Variants in CACNA2D3 observed in about 807,000 individuals in gnomAD.
CACNA2D3 encodes voltage-dependent calcium channel subunit alpha-2/delta-3.
In CACNA2D3, 60 loss-of-function variants were observed where a neutral mutation model predicts 160.6. The ratio of observed to expected loss-of-function variants is 0.37; its 90% CI spans 0.30 to 0.46. CACNA2D3 has a LOEUF of 0.46. Ranked by LOEUF, CACNA2D3 falls within the 20% of genes least tolerant of loss-of-function variation. The pLI is 1.00. For missense variants in CACNA2D3, 1,205 were observed against 1,365.0 expected (o/e 0.88, Z 1.85); for synonymous variants, 558 against 492.9 (o/e 1.13, Z -1.75).
chr3:54,181,800 A>G (rs1188793925), intron 2 of CACNA2D3, among the ~76,000 whole-genome samples: 1 of 152,180 alleles, frequency 6.6e-6, no homozygotes, highest in African/African-American at 2.4e-5. Context: ...TTTGGAGTTG[A>G]TTCCCTGTTT....
chr3:54,287,851 A>C (rs1703073831), intron 2 of CACNA2D3, among the ~76,000 whole-genome samples: 1 of 150,312 alleles, frequency 6.7e-6, no homozygotes, highest in Non-Finnish European at 1.5e-5. Flanking sequence ...AAATGAAGGC[A>C]GAAATAAAGA....
chr3:54,401,801 A>G (rs182808584), intron 4 of CACNA2D3, among the ~76,000 whole-genome samples: 67 of 152,322 alleles, frequency 4.4e-4, no homozygotes, highest in Admixed American at 1.2e-3. Context: ...TAATGTAACA[A>G]CATATGAAAG....
chr3:55,036,453 T>C (rs562530544), intron 35 of CACNA2D3, among the ~76,000 whole-genome samples: 7 of 151,198 alleles, frequency 4.6e-5, no homozygotes, highest in Non-Finnish European at 1.0e-4. Flanking sequence ...TTTTTATTTA[T>C]TTTATTTTTT....
intron 4 of CACNA2D3, among the ~76,000 whole-genome samples, chr3:54,401,042 T>C (rs1274837088): frequency 6.6e-6 from 1 of 151,898 alleles, no homozygotes; most frequent in Non-Finnish European, 1.5e-5. Context: ...CGGAGATAAA[T>C]ATCATTAAAA....
chr3:54,815,159 A>G (rs752604917), intron 13 of CACNA2D3, among the ~76,000 whole-genome samples: 1 of 152,166 alleles, frequency 6.6e-6, no homozygotes, highest in Non-Finnish European at 1.5e-5. Flanking sequence ...GGAGGAGCTT[A>G]TGAGCTTCCT....
At chr3:54,885,088 T>TGG (rs1559616700) in intron 21 of CACNA2D3, among the ~76,000 whole-genome samples, 193 bp from the exon 22 acceptor site, 1 of 152,054 alleles carries the variant, frequency 6.6e-6, no homozygotes, top group Non-Finnish European at 1.5e-5. Flanking sequence ...GAGGTAGAGA[T>TGG]GGGGAGAGAG....
At chr3:54,898,124 T>G (rs537700809) in intron 26 of CACNA2D3, among the ~76,000 whole-genome samples, 32 of 143,018 alleles carry the variant, frequency 2.2e-4, no homozygotes, top group African/African-American at 8.5e-4. Flanking sequence ...TTTCTTTCTT[T>G]CTTTTTCTTT....
intron 5 of CACNA2D3, among the ~76,000 whole-genome samples, chr3:54,532,211 A>C (rs184681163): frequency 1.2e-3 from 183 of 152,368 alleles, no homozygotes; most frequent in Admixed American, 5.0e-3. Flanking sequence ...TGTAGAAAGA[A>C]AAATTGTTCT....
intron 2 of CACNA2D3, among the ~76,000 whole-genome samples, chr3:54,210,472 T>C (rs1429846753): frequency 2.6e-5 from 4 of 151,934 alleles, no homozygotes; most frequent in East Asian, 1.9e-4. Flanking sequence ...TTAAGATAGC[T>C]CATACTGGTG....
chr3:54,234,992 T>G lies in CACNA2D3; in HGVS notation c.205-85450T>G, dbSNP rs376522763. Among the ~76,000 whole-genome samples the G allele has an allele frequency of 2.6e-4, 40 of 152,128 alleles. No homozygotes were observed. The East Asian group carries it at 4.6e-3, about 18-fold the overall frequency. ...TTTACCTGTGTAACAAACCTTCACA[T>G]GTACCCCTAAACCTAAAATAAAAGT... On this transcript the variant is annotated intron_variant, in intron 2 of 37. Coordinates refer to ENST00000474759, the MANE Select transcript of CACNA2D3 (RefSeq NM_018398.3).
intron 27 of CACNA2D3, among the ~76,000 whole-genome samples, chr3:54,904,288 T>C (rs879851999): frequency 6.6e-6 from 1 of 152,190 alleles, no homozygotes; most frequent in Non-Finnish European, 1.5e-5. Context: ...CCAGCAGTCA[T>C]AGGCACCGCA....
chr3:54,781,332 A>G (rs895411143), intron 13 of CACNA2D3, among the ~76,000 whole-genome samples: 1 of 152,162 alleles, frequency 6.6e-6, no homozygotes, highest in Non-Finnish European at 1.5e-5. Flanking sequence ...CCAATTTCCC[A>G]TTTCTCTGGA....
chr3:54,765,916 G>C (rs1015687930), intron 13 of CACNA2D3, among the ~76,000 whole-genome samples: 1 of 152,098 alleles, frequency 6.6e-6, no homozygotes, highest in Admixed American at 6.5e-5. Flanking sequence ...TAGCCATTTA[G>C]AGAAAAATAG....
At chr3:54,152,283 T>TA (rs1224392298) in intron 2 of CACNA2D3, among the ~76,000 whole-genome samples, 9 of 152,256 alleles carry the variant, frequency 5.9e-5, no homozygotes, top group African/African-American at 2.2e-4. Context: ...TTGAGTGCGC[T>TA]ACACGCCACA....
At chr3:54,165,490 T>A (rs1700434343) in intron 2 of CACNA2D3, among the ~76,000 whole-genome samples, 1 of 151,850 alleles carries the variant, frequency 6.6e-6, no homozygotes, top group Admixed American at 6.6e-5. Context: ...ATTAGAAGCT[T>A]CTTGACCTCC....
chr3:54,686,227 C>T (rs1700446759), intron 11 of CACNA2D3, among the ~76,000 whole-genome samples: 1 of 152,140 alleles, frequency 6.6e-6, no homozygotes, highest in Non-Finnish European at 1.5e-5. Context: ...TTGTCTGTGG[C>T]TGCTTTTTCA....
rs1033462566 is a variant in CACNA2D3, at chr3:54,890,942, A to C, written c.2151-413A>C. Among the ~76,000 whole-genome samples, 5 of 152,330 alleles carry C rather than the reference A, an allele frequency of 3.3e-5. No homozygotes were observed. In the South Asian group the frequency reaches 6.2e-4, roughly 19 times the overall value. On this transcript the variant is annotated intron_variant, in intron 24 of 37. Transcript: ENST00000474759. The stretch of plus-strand genomic sequence containing the variant: ...AGATTCCACAAATGATCTCAAGACC[A>C]AGAATAAACTTGGTAGCTTTAATGC...
At chr3:54,673,430 A>G (rs1447050182) in intron 11 of CACNA2D3, among the ~76,000 whole-genome samples, 1 of 152,220 alleles carries the variant, frequency 6.6e-6, no homozygotes, top group African/African-American at 2.4e-5. Flanking sequence ...CTGATCAGGA[A>G]AACATTTGTT....
intron 24 of CACNA2D3, among the ~76,000 whole-genome samples, chr3:54,889,619 T>C (rs1411550520): frequency 6.6e-6 from 1 of 152,186 alleles, no homozygotes; most frequent in Non-Finnish European, 1.5e-5. Context: ...GTCTCTCTTC[T>C]AGACATCGTG....
Sources: allele counts gnomAD v4.1 joint callset (sites outside exome capture counted in the v4.1 genomes callset), GRCh38; gene constraint gnomAD v4.1.1; transcripts MANE v1.5; gene names NCBI Gene and HGNC (gene_info 2026-07-23, HGNC 2026-07-21).